Variants in MOB3B observed in about 807,000 individuals in gnomAD.
MOB3B encodes the protein MOB kinase activator-like 2B.
In MOB3B, 7 loss-of-function variants were observed where a neutral mutation model predicts 18.7. The ratio of observed to expected loss-of-function variants is 0.37; its 90% CI spans 0.21 to 0.70. MOB3B has a LOEUF of 0.70. Among genes scored for constraint, MOB3B ranks in the 30% least tolerant of loss-of-function variants. MOB3B has a pLI of 0.52. For missense variants in MOB3B, 253 were observed against 281.3 expected (o/e 0.90, Z 0.72); for synonymous variants, 111 against 99.9 (o/e 1.11, Z -0.66).
chr9:27,334,016 T>C (rs573861548), intron 3 of MOB3B, among the ~76,000 whole-genome samples: 1 of 152,348 alleles, frequency 6.6e-6, no homozygotes, highest in Non-Finnish European at 1.5e-5. Context: ...AAGATGCAAT[T>C]GTCAGCTCCT....
At chr9:27,498,828 C>A (rs931146143) in intron 1 of MOB3B, among the ~76,000 whole-genome samples, 7 of 152,162 alleles carry the variant, frequency 4.6e-5, no homozygotes, top group African/African-American at 1.7e-4. Context: ...AATTGGAAAT[C>A]TATTTTTTAG....
At chr9:27,407,759 G>A (rs1822004428) in intron 2 of MOB3B, among the ~76,000 whole-genome samples, 1 of 152,176 alleles carries the variant, frequency 6.6e-6, no homozygotes, top group African/African-American at 2.4e-5. Context: ...TGGGCACTGG[G>A]AAGGTGGAGA....
At chr9:27,375,042 GTCCACTGGCCTGCCACCTGC>G (rs1821471720) in intron 2 of MOB3B, among the ~76,000 whole-genome samples, 1 of 152,206 alleles carries the variant, frequency 6.6e-6, no homozygotes, top group African/African-American at 2.4e-5. Flanking sequence ...CCAGAGTGGG[GTCCACTGGCCTGCCACCTGC>G]TCCTTTACAT....
intron 3 of MOB3B, among the ~76,000 whole-genome samples, chr9:27,354,285 C>T (rs754738676): frequency 3.3e-5 from 5 of 152,174 alleles, no homozygotes; most frequent in Non-Finnish European, 5.9e-5. Flanking sequence ...TGACAGACAC[C>T]AAGAGTTTTC....
rs1822850601 is a variant in MOB3B at position 27,455,134 on chromosome 9, C to A, written c.417G>T (p.Val139=). The A allele has an allele frequency of 6.2e-7, 1 of 1,614,084 alleles. No individual in the cohort carries two copies. Among genetic ancestry groups the A allele is most frequent in the Non-Finnish European group, 8.5e-7 (1 of 1,180,012 alleles). Residue 139 remains valine (V), a splice_region_variant and synonymous_variant, in exon 2 of 4, where the codon GTG becomes GTT. Coordinates refer to ENST00000262244, the MANE Select transcript of MOB3B (RefSeq NM_024761.5). ...INNEEIFPTC[V]GVPFPKNFLQ... is the part of the protein sequence containing the mutation. ...ACTGAGAGCTGGTAATGAACTTACC[C>A]ACGCATGTTGGAAATATTTCCTCGT...
chr9:27,398,876 A>C (rs371339498), intron 2 of MOB3B, among the ~76,000 whole-genome samples: 12 of 152,036 alleles, frequency 7.9e-5, no homozygotes, highest in African/African-American at 2.7e-4. Context: ...TGTCACCTTC[A>C]CCTAGGCATC....
At chr9:27,365,007 C>T (rs1821322438) in intron 2 of MOB3B, among the ~76,000 whole-genome samples, 1 of 152,064 alleles carries the variant, frequency 6.6e-6, no homozygotes, top group South Asian at 2.1e-4. Flanking sequence ...TGTAAGTTCT[C>T]TGAACAAAGG....
chr9:27,446,830 C>T (rs1822698262), intron 2 of MOB3B, among the ~76,000 whole-genome samples: 1 of 152,168 alleles, frequency 6.6e-6, no homozygotes, highest in African/African-American at 2.4e-5. Flanking sequence ...GTAAAATCAT[C>T]ATCAGAATTC....
At chr9:27,498,170 T>A (rs1289562429) in intron 1 of MOB3B, among the ~76,000 whole-genome samples, 1 of 152,134 alleles carries the variant, frequency 6.6e-6, no homozygotes, top group Non-Finnish European at 1.5e-5. Context: ...TCTATGGTGT[T>A]CTCACACTCC....
intron 2 of MOB3B, among the ~76,000 whole-genome samples, chr9:27,397,775 T>TAAACC (rs1322611828): frequency 6.6e-6 from 1 of 152,222 alleles, no homozygotes; most frequent in African/African-American, 2.4e-5. Flanking sequence ...TTAGATCGGC[T>TAAACC]AAACCAATTT....
chr9:27,376,189 C>T (rs1821487615), intron 2 of MOB3B, among the ~76,000 whole-genome samples: 1 of 152,186 alleles, frequency 6.6e-6, no homozygotes, highest in Non-Finnish European at 1.5e-5. Context: ...ATATAACCAT[C>T]ACACAGACTC....
chr9:27,526,480 T>G (rs1177644502), intron 1 of MOB3B: 2 of 152,246 alleles, frequency 1.3e-5, no homozygotes, highest in Non-Finnish European at 2.9e-5. Flanking sequence ...ATAAAGTCTT[T>G]GCCTGTTCTC....
rs116605568 is a variant in MOB3B at position 27,448,614 on chromosome 9, C to T, written c.418+6519G>A. 5.9e-3 allele frequency among the ~76,000 whole-genome samples: 896 copies of T among 152,248 alleles called. 7 individuals carry two copies. The highest frequency in any genetic ancestry group is 0.021 in the African/African-American group (872 of 41,526). On this transcript the variant is annotated intron_variant, in intron 2 of 3. Transcript: ENST00000262244. ...CTCCCACTGGGTCCCTCCCACCATG[C>T]GTGGGAATTATGGGAGCTACAATTC...
intron 3 of MOB3B, among the ~76,000 whole-genome samples, chr9:27,340,469 C>T (rs571228389): frequency 3.3e-5 from 5 of 152,294 alleles, no homozygotes; most frequent in East Asian, 3.9e-4. Flanking sequence ...AGATGGGTTA[C>T]GGACACATGG....
At chr9:27,440,605 TATAAA>T (rs1246043616) in intron 2 of MOB3B, among the ~76,000 whole-genome samples, 1 of 152,204 alleles carries the variant, frequency 6.6e-6, no homozygotes. Context: ...GCACAATAAT[TATAAA>T]ATATTCATTC....
Position 27,401,097 on chromosome 9 carries a change from C to A in MOB3B, c.419-41861G>T, listed in dbSNP as rs538209591. Among the ~76,000 whole-genome samples, 177 of 152,330 alleles carry A rather than the reference C, an allele frequency of 1.2e-3. 1 individual carries two copies. The highest frequency in any genetic ancestry group is 4.1e-3 in the African/African-American group (170 of 41,576). On this transcript the variant is annotated intron_variant, in intron 2 of 3. Coordinates refer to ENST00000262244, the MANE Select transcript of MOB3B (RefSeq NM_024761.5). ...CCCAAGAGCAGAAGGTGAAGCCCAG[C>A]AATGGAACCGGGCCAGGGAACTGAA...
chr9:27,334,359 C>T (rs765507310), intron 3 of MOB3B, among the ~76,000 whole-genome samples: 8 of 151,732 alleles, frequency 5.3e-5, no homozygotes, highest in Non-Finnish European at 1.0e-4. Context: ...AAAACAAGAC[C>T]GGTTATTTAA....
At chr9:27,486,165 C>A (rs1819726561) in intron 1 of MOB3B, among the ~76,000 whole-genome samples, 1 of 152,094 alleles carries the variant, frequency 6.6e-6, no homozygotes, top group Admixed American at 6.6e-5. Flanking sequence ...CGATGGTGGA[C>A]CAGGAATGCC....
intron 2 of MOB3B, among the ~76,000 whole-genome samples, chr9:27,380,780 C>T (rs7855330): frequency 0.074 from 11,213 of 151,446 alleles, 1,392 homozygotes; most frequent in African/African-American, 0.26. Context: ...CTGCCCACCA[C>T]CCCCTCATAG....
Sources: allele counts gnomAD v4.1 joint callset (sites outside exome capture counted in the v4.1 genomes callset), GRCh38; gene constraint gnomAD v4.1.1; transcripts MANE v1.5; gene names NCBI Gene and HGNC (gene_info 2026-07-23, HGNC 2026-07-21).